The following PRKAR1B variants were observed in gnomAD, a reference collection of about 807,000 sequenced individuals.
PRKAR1B encodes cAMP-dependent protein kinase type I-beta regulatory subunit.
PRKAR1B carries 22 observed loss-of-function variants against 46.5 expected under a neutral mutation model. That is an observed-to-expected ratio of 0.47 (90% confidence interval 0.34 to 0.68). The LOEUF is 0.68. PRKAR1B is among the 30% of genes least tolerant of loss of function. PRKAR1B has a pLI of 0.01. For missense variants in PRKAR1B, 445 were observed against 535.6 expected (o/e 0.83, Z 1.67); for synonymous variants, 259 against 217.7 (o/e 1.19, Z -1.67).
At chr7:715,834 G>GCCT (rs1780855234) in intron 1 of PRKAR1B, among the ~76,000 whole-genome samples, 1 of 150,948 alleles carries the variant, frequency 6.6e-6, no homozygotes. Context: ...TCCTGCCTCA[G>GCCT]CCTCCCGAGT....
intron 7 of PRKAR1B, among the ~76,000 whole-genome samples, chr7:591,620 C>T (rs958665171): frequency 6.6e-6 from 1 of 152,106 alleles, no homozygotes; most frequent in South Asian, 2.1e-4. Flanking sequence ...GAGGCCAAGG[C>T]GGGAGGGTCG....
At chr7:585,378 C>T (rs749463241) in intron 7 of PRKAR1B, among the ~76,000 whole-genome samples, 1 of 152,086 alleles carries the variant, frequency 6.6e-6, no homozygotes, top group Non-Finnish European at 1.5e-5. Context: ...ACAGAGCAGC[C>T]GCACGGTGGG....
rs1159310685 is a variant in PRKAR1B, at chr7:685,343, T to C, written c.178-4617A>G. 1.2e-4 allele frequency among the ~76,000 whole-genome samples: 10 copies of C among 83,654 alleles called. 1 individual carries two copies. Among genetic ancestry groups the C allele is most frequent in the East Asian group, 1.1e-3 (3 of 2,842 alleles). The allele number at this position is 83,654 out of a possible 152,430, so 54.9% of individuals were successfully genotyped here. The stretch of plus-strand genomic sequence containing the variant: ...GTATATATACGTATATATACGTATA[T>C]ATATGTATACATATATATATACACA... On this transcript the variant is annotated intron_variant, in intron 2 of 10. Transcript: ENST00000537384.
At chr7:605,353 G>A (rs1246621123) in intron 6 of PRKAR1B, among the ~76,000 whole-genome samples, 1 of 152,226 alleles carries the variant, frequency 6.6e-6, no homozygotes, top group Non-Finnish European at 1.5e-5. Context: ...GCCGTGCGGG[G>A]GGCGGCCTGC....
At chr7:630,681 G>C (rs956489904) in intron 4 of PRKAR1B, among the ~76,000 whole-genome samples, 1 of 152,184 alleles carries the variant, frequency 6.6e-6, no homozygotes, top group African/African-American at 2.4e-5. Context: ...TGTTAAAGAC[G>C]CCCAGGGGAT....
intron 1 of PRKAR1B, among the ~76,000 whole-genome samples, chr7:715,738 C>CA (rs1780849296): frequency 6.6e-6 from 1 of 151,474 alleles, no homozygotes; most frequent in Non-Finnish European, 1.5e-5. Context: ...TTTTTTGAGA[C>CA]AGAGTCTCAT....
intron 8 of PRKAR1B, among the ~76,000 whole-genome samples, chr7:583,225 C>G (rs1160436072): frequency 6.6e-6 from 1 of 152,102 alleles, no homozygotes; most frequent in Non-Finnish European, 1.5e-5. Flanking sequence ...GTGCATTTTA[C>G]CACAATGGAA....
At chr7:718,926 C>T (rs567372238) in intron 1 of PRKAR1B, among the ~76,000 whole-genome samples, 14 of 129,188 alleles carry the variant, frequency 1.1e-4, no homozygotes, top group African/African-American at 1.8e-4. Flanking sequence ...GGCTGGAGTG[C>T]GGTGGCATGA....
intron 1 of PRKAR1B, among the ~76,000 whole-genome samples, chr7:725,591 T>C (rs919823979): frequency 2.0e-5 from 3 of 152,234 alleles, no homozygotes; most frequent in Non-Finnish European, 4.4e-5. Flanking sequence ...GAACTTAGTT[T>C]ATAGTTTAAC....
intron 7 of PRKAR1B, among the ~76,000 whole-genome samples, chr7:586,253 G>A (rs113269443): frequency 0.048 from 7,271 of 152,248 alleles, 509 homozygotes; most frequent in African/African-American, 0.15. Context: ...GGAGGCAGCC[G>A]GCCCCCAATG....
chr7:554,937 G>C (rs539527431), intron 9 of PRKAR1B, among the ~76,000 whole-genome samples: 1 of 152,228 alleles, frequency 6.6e-6, no homozygotes, highest in Non-Finnish European at 1.5e-5. Context: ...CTTGCTTCCT[G>C]CTCTGGGACC....
intron 2 of PRKAR1B, among the ~76,000 whole-genome samples, chr7:705,147 C>A (rs1014733267): frequency 1.3e-5 from 2 of 151,726 alleles, no homozygotes; most frequent in Admixed American, 1.3e-4. Flanking sequence ...CAAAAACTAG[C>A]TAGGCATGGT....
At chr7:563,532 G>C (rs1322390379) in intron 9 of PRKAR1B, among the ~76,000 whole-genome samples, 1 of 152,262 alleles carries the variant, frequency 6.6e-6, no homozygotes, top group Non-Finnish European at 1.5e-5. Context: ...TCTGCACGCT[G>C]GGTGTGTGTG....
chr7:572,244 C>T (rs1387067027), intron 9 of PRKAR1B, among the ~76,000 whole-genome samples: 1 of 152,338 alleles, frequency 6.6e-6, no homozygotes, highest in South Asian at 2.1e-4. Context: ...GTTCACAACC[C>T]ACAGGCCTGC....
intron 2 of PRKAR1B, among the ~76,000 whole-genome samples, chr7:705,256 T>G (rs1780261840): frequency 6.8e-6 from 1 of 146,630 alleles, no homozygotes; most frequent in South Asian, 2.1e-4. Context: ...TAAACCGAGA[T>G]CACGCCATTG....
chr7:702,762 G>A lies in PRKAR1B; in HGVS notation c.177+8567C>T, dbSNP rs181029427. On this transcript the variant is annotated intron_variant, in intron 2 of 10. Transcript: ENST00000537384. ...GGTGTGAACCCAGGAGGCGGAGCTC[G>A]CAGTGAGCGGAGATTGTGCCACTGC... is the stretch of plus-strand genomic sequence containing the variant. Among the ~76,000 whole-genome samples, 268 of 152,270 alleles carry A rather than the reference G, an allele frequency of 1.8e-3. 8 individuals carry two copies. The East Asian group carries it at 0.044, about 25-fold the overall frequency.
intron 9 of PRKAR1B, among the ~76,000 whole-genome samples, chr7:575,134 C>T (rs547837618): frequency 5.9e-5 from 9 of 152,326 alleles, no homozygotes; most frequent in South Asian, 2.1e-4. Context: ...CTCAGCCGGG[C>T]GGTTCTCACT....
rs1315910519 is a variant in PRKAR1B at position 560,505 on chromosome 7, G to A, written c.892-9035C>T. Among the ~76,000 whole-genome samples the A allele has an allele frequency of 1.3e-5, 2 of 152,012 alleles. No homozygotes were observed. Among genetic ancestry groups the A allele is most frequent in the African/African-American group, 2.4e-5 (1 of 41,382 alleles). ...ACAGCTGGAAAGGTGTTCAACACAC[G>A]AGCTTAACCCAGGCTTCCCCCTGAC... On this transcript the variant is annotated intron_variant, in intron 9 of 10. Coordinates refer to ENST00000537384, the MANE Select transcript of PRKAR1B (RefSeq NM_001164760.2). This position sits in a 1 kb window ranked among gnomAD's most constrained non-coding sequence, Gnocchi z 4.2.
chr7:625,378 G>A (rs548650967), intron 4 of PRKAR1B, among the ~76,000 whole-genome samples: 5 of 152,122 alleles, frequency 3.3e-5, no homozygotes, highest in Admixed American at 2.0e-4. Flanking sequence ...TAAATCCAAA[G>A]CAACAAAAAG....
Sources: allele counts gnomAD v4.1 joint callset (sites outside exome capture counted in the v4.1 genomes callset), GRCh38; gene constraint gnomAD v4.1.1; non-coding constraint Gnocchi (gnomAD v3.1); transcripts MANE v1.5; gene names NCBI Gene and HGNC (gene_info 2026-07-23, HGNC 2026-07-21).